The following METTL17 variants were observed in gnomAD, a reference collection of about 807,000 sequenced individuals.
METTL17 encodes the protein methyltransferase like 17.
A neutral mutation model predicts 59.4 loss-of-function variants in METTL17; 49 were observed. The ratio of observed to expected loss-of-function variants is 0.82; its 90% CI spans 0.66 to 1.05. METTL17 has a LOEUF of 1.05. METTL17 is among the 50% of genes least tolerant of loss of function. METTL17 has a pLI of 0.00. For missense variants in METTL17, 555 were observed against 578.4 expected, an observed-to-expected ratio of 0.96 and a Z score of 0.41; for synonymous variants, 208 against 209.2, an observed-to-expected ratio of 0.99 and a Z score of 0.05.
chr14:20,994,603 T>C lies in METTL17; in HGVS notation c.758T>C (p.Val253Ala), dbSNP rs1880249765. The change falls in exon 8 of 14, where the codon GTA (valine) becomes GCA (alanine). Residue 253 changes from valine to alanine, a missense_variant. Physicochemically the swap from Val to Ala is moderately conservative, Grantham distance 64. Coordinates refer to ENST00000339374, the MANE Select transcript of METTL17 (RefSeq NM_022734.3). ...PGVFFRQFLP[V>A]SPKVQFDVVV... Reference sequence around the variant, plus strand: ...GTCTTTTTCAGACAGTTTCTACCTGTATCACCCAAGGCAAGTGGCAGTGTT... The same window carrying C: ...GTCTTTTTCAGACAGTTTCTACCTGCATCACCCAAGGCAAGTGGCAGTGTT... 1.2e-6 allele frequency: 2 copies of C among 1,614,154 alleles called. No homozygotes were observed. Among genetic ancestry groups the C allele is most frequent in the South Asian group, 1.1e-5 (1 of 91,090 alleles).
chr14:20,996,043 A>C, intron 11 of METTL17, 92 bp downstream of exon 11: 1 of 1,432,662 alleles, frequency 7.0e-7, no homozygotes, highest in Non-Finnish European at 9.8e-7. Flanking sequence ...ACTCTCCACT[A>C]CTTTGTGTTC....
Position 20,996,727 on chromosome 14 carries a change from C to G in METTL17, c.1265+16C>G. ...GGCACGGCAGGTATGGGGGGTGTGACCAAAATCAGTGGGATGTGGCAGGAA... is the reference window on the plus strand; with the variant it reads ...GGCACGGCAGGTATGGGGGGTGTGAGCAAAATCAGTGGGATGTGGCAGGAA... On this transcript the variant is annotated intron_variant, in intron 13 of 13. Coordinates refer to ENST00000339374, the MANE Select transcript of METTL17 (RefSeq NM_022734.3). 1.2e-6 allele frequency: 2 copies of G among 1,614,176 alleles called. No individual in the cohort carries two copies. Among genetic ancestry groups the G allele is most frequent in the Admixed American group, 3.3e-5 (2 of 60,024 alleles).
chr14:20,992,369 C>A, intron 4 of METTL17, 164 bp downstream of exon 4: 2 of 730,280 alleles, frequency 2.7e-6, no homozygotes. Flanking sequence ...GTTTTGAACA[C>A]TGAAGTTTGA....
chr14:20,996,018 T>C (rs1880349242), intron 11 of METTL17, 67 bp downstream of exon 11: 30 of 1,553,944 alleles, frequency 1.9e-5, no homozygotes, highest in Non-Finnish European at 2.7e-5. Flanking sequence ...AAATGTAAGA[T>C]GGTAAAGCTA....
chr14:20,993,061 C>A lies in METTL17; in HGVS notation c.529-57C>A. On this transcript the variant is annotated intron_variant, in intron 5 of 13. Coordinates refer to ENST00000339374, the MANE Select transcript of METTL17 (RefSeq NM_022734.3). ...TGATAGCCTCCTAATTCACATTTATCAAGGTCCTAAATAAGTATCTAATTA... is the reference window on the plus strand; with the variant it reads ...TGATAGCCTCCTAATTCACATTTATAAAGGTCCTAAATAAGTATCTAATTA... 4 of 1,457,804 alleles carry A rather than the reference C, an allele frequency of 2.7e-6. No individual in the cohort carries two copies. In the Middle Eastern group the frequency reaches 5.2e-4, roughly 188 times the overall value. The allele number at this position is 1,457,804 out of a possible 1,614,324, so 90.3% of individuals were successfully genotyped here. A position where few individuals can be genotyped will look rare whatever the true frequency, so the allele number is the denominator to read the frequency against.
chr14:20,993,702 T>C (rs1880179859), intron 6 of METTL17: 2 of 262,810 alleles, frequency 7.6e-6, no homozygotes, highest in South Asian at 5.9e-5. Context: ...CTCTAACTCC[T>C]GACCTTGTGA....
In METTL17 at chr14:20,990,110, C is replaced by G. The variant is rs750098394; in HGVS notation, c.75+33C>G. The G allele has an allele frequency of 6.8e-6, 11 of 1,612,306 alleles. No individual in the cohort carries two copies. In the East Asian group the frequency reaches 2.5e-4, roughly 36 times the overall value. On this transcript the variant is annotated intron_variant, in intron 1 of 13. Transcript: ENST00000339374. ...CCTACATTCCCTGCTGTCGGAGAGACTCTGGATCTGCAGAGACATCTCCGC... is the reference window on the plus strand; with the variant it reads ...CCTACATTCCCTGCTGTCGGAGAGAGTCTGGATCTGCAGAGACATCTCCGC...
chr14:20,990,174 A>T, intron 1 of METTL17, 56 bp from the exon 2 acceptor site: 1 of 1,612,696 alleles, frequency 6.2e-7, no homozygotes, highest in Non-Finnish European at 8.5e-7. Context: ...CGCCCTAGCG[A>T]TTGCCAGCAA....
chr14:20,993,487 C>G, intron 6 of METTL17: 2 of 341,794 alleles, frequency 5.9e-6, no homozygotes, highest in Non-Finnish European at 1.0e-5. Context: ...TTTTTTTTTT[C>G]TTTTTTGAAA....
intron 7 of METTL17, 123 bp from the exon 8 acceptor site, chr14:20,994,420 T>C (rs1176051968): frequency 2.4e-6 from 2 of 843,238 alleles, no homozygotes; most frequent in East Asian, 4.8e-5. Flanking sequence ...CATACCTGGC[T>C]CATCCCTGCC....
chr14:20,990,482 T>C lies in METTL17; in HGVS notation c.248T>C (p.Met83Thr), dbSNP rs1333678999. The C allele has an allele frequency of 6.2e-7, 1 of 1,614,190 alleles. No individual in the cohort carries two copies. The highest frequency in any genetic ancestry group is 8.5e-7 in the Non-Finnish European group (1 of 1,180,030). The part of the protein sequence containing the change: ...LLLLGSAGPT[M>T]ENQVQTLTSY... ...CCCATAGGGAGCGCTGGGCCCACTA[T>C]GGAGAATCAGGTGCAAACACTGACC... Residue 83 changes from methionine to threonine, a missense_variant, in exon 3 of 14, where the codon ATG becomes ACG. Physicochemically the swap from Met to Thr is moderately conservative, Grantham distance 81. Coordinates refer to ENST00000339374, the MANE Select transcript of METTL17 (RefSeq NM_022734.3).
chr14:20,995,987 C>A, intron 11 of METTL17, 36 bp downstream of exon 11: 1 of 1,610,740 alleles, frequency 6.2e-7, no homozygotes, highest in Non-Finnish European at 8.5e-7. Context: ...CCACACGGAT[C>A]TGAACTTAGG....
chr14:20,993,580 T>G lies in METTL17; in HGVS notation c.602+389T>G, dbSNP rs184377497. 60 of 226,046 alleles carry G rather than the reference T, an allele frequency of 2.7e-4. No individual in the cohort carries two copies. The East Asian group carries it at 6.9e-3, about 26-fold the overall frequency. 14.0% of individuals were successfully genotyped at this position (226,046 alleles called of 1,614,324 possible). ...AGCCTCCACTCCTGGGTTCAAGTGA[T>G]TCTCCTGCCTCACCCTCCCGAGTAG... On this transcript the variant is annotated intron_variant, in intron 6 of 13. Transcript: ENST00000339374.
intron 8 of METTL17, 63 bp downstream of exon 8, chr14:20,994,676 A>G: frequency 1.9e-6 from 3 of 1,562,116 alleles, no homozygotes; most frequent in Middle Eastern, 1.7e-4. Flanking sequence ...CTATGGCTTG[A>G]GCTTTGCAGC....
intron 6 of METTL17, 163 bp from the exon 7 acceptor site, chr14:20,993,805 TA>T (rs1880194518): frequency 2.2e-6 from 1 of 445,484 alleles, no homozygotes; most frequent in African/African-American, 2.1e-5. Flanking sequence ...GAGTTGTAAA[TA>T]AAACAAGAAA....
At chr14:20,993,703 G>C (rs1235988685) in intron 6 of METTL17, 5 of 263,034 alleles carry the variant, frequency 1.9e-5, no homozygotes, top group Non-Finnish European at 1.4e-5. Flanking sequence ...TCTAACTCCT[G>C]ACCTTGTGAT....
chr14:20,992,899 A>G, intron 5 of METTL17: 1 of 605,486 alleles, frequency 1.7e-6, no homozygotes, highest in Non-Finnish European at 2.9e-6. Flanking sequence ...AAAAAAACAC[A>G]AAATAAAGAC....
chr14:20,996,756 G>T (rs1444289408), intron 13 of METTL17, 29 bp from the exon 14 acceptor site: 1 of 1,614,094 alleles, frequency 6.2e-7, no homozygotes, highest in East Asian at 2.2e-5. Context: ...GCAGGAAGCT[G>T]CAGCCCACGC....
chr14:20,992,434 C>A, intron 4 of METTL17, 107 bp from the exon 5 acceptor site: 1 of 948,220 alleles, frequency 1.1e-6, no homozygotes, highest in Non-Finnish European at 1.7e-6. Context: ...GAGTGAAAGG[C>A]CTGAGCTGGA....
Sources: gnomAD v4.1 joint callset for allele counts on GRCh38, gnomAD v4.1.1 for gene constraint, MANE v1.5 for transcripts, NCBI Gene and HGNC (gene_info 2026-07-23, HGNC 2026-07-21) for gene names.